The following GPC5 variants were observed in gnomAD, a reference collection of about 807,000 sequenced individuals.
The protein encoded by GPC5 is glypican 5, also known as glypican-5.
GPC5 carries 47 observed loss-of-function variants against 53.9 expected under a neutral mutation model. The observed-to-expected ratio is 0.87, with a 90% CI of 0.69 to 1.11. The LOEUF (loss-of-function observed/expected upper bound fraction) is 1.11. GPC5 is among the 50% of genes most tolerant of loss of function. The pLI is 0.00. For synonymous variants in GPC5, 286 were observed against 263.3 expected, an observed-to-expected ratio of 1.09 and a Z score of -0.84; for missense variants, 748 against 713.1, an observed-to-expected ratio of 1.05 and a Z score of -0.56.
chr13:92,008,059 A>ATTTTT (rs33911884), intron 6 of GPC5, among the ~76,000 whole-genome samples: 2 of 127,202 alleles, frequency 1.6e-5, no homozygotes, highest in Admixed American at 8.4e-5. Context: ...AATGAGAATA[A>ATTTTT]TTTTTTTTTT....
intron 5 of GPC5, among the ~76,000 whole-genome samples, chr13:91,850,073 G>T (rs574978119): frequency 6.6e-6 from 1 of 152,046 alleles, no homozygotes; most frequent in Non-Finnish European, 1.5e-5. Flanking sequence ...ATCTTTCAAC[G>T]GAGGTTTTTC....
intron 7 of GPC5, among the ~76,000 whole-genome samples, chr13:92,521,529 G>A (rs1443100587): frequency 1.3e-5 from 2 of 152,140 alleles, no homozygotes. Context: ...AATGGGGAAA[G>A]GATTCCCTAT....
rs540317986 is a variant in GPC5, at chr13:92,693,731, T to C, written c.1562-172551T>C. Among the ~76,000 whole-genome samples the C allele has an allele frequency of 2.2e-4, 34 of 151,974 alleles. 1 individual carries two copies. Among genetic ancestry groups the C allele is most frequent in the Admixed American group, 2.0e-3 (30 of 15,252 alleles). ...GAAGAGAGCATAAAAGTTTGGAAAA[T>C]TTACAGCCTGACCATGAGGTAGAAA... On this transcript the variant is annotated intron_variant, in intron 7 of 7. Coordinates refer to ENST00000377067, the MANE Select transcript of GPC5 (RefSeq NM_004466.6).
At chr13:91,563,340 G>T (rs1280702177) in intron 2 of GPC5, among the ~76,000 whole-genome samples, 1 of 151,918 alleles carries the variant, frequency 6.6e-6, no homozygotes, top group Non-Finnish European at 1.5e-5. Flanking sequence ...AAATAATATC[G>T]GGAATTATGA....
chr13:91,528,534 A>C (rs1355333909), intron 2 of GPC5, among the ~76,000 whole-genome samples: 1 of 152,180 alleles, frequency 6.6e-6, no homozygotes, highest in Non-Finnish European at 1.5e-5. Context: ...GAAGTTCCAA[A>C]CATTCCCACA....
intron 7 of GPC5, among the ~76,000 whole-genome samples, chr13:92,209,743 A>T (rs2042361700): frequency 6.6e-6 from 1 of 152,154 alleles, no homozygotes; most frequent in Non-Finnish European, 1.5e-5. Context: ...CTCATCCACC[A>T]TATGTTAGAC....
intron 7 of GPC5, among the ~76,000 whole-genome samples, chr13:92,367,700 T>C (rs1434083041): frequency 2.0e-5 from 3 of 152,214 alleles, no homozygotes; most frequent in East Asian, 3.9e-4. Flanking sequence ...AATAGAATGA[T>C]TTAACGTGAA....
At chr13:92,321,646 T>A (rs147110192) in intron 7 of GPC5, among the ~76,000 whole-genome samples, 5 of 144,460 alleles carry the variant, frequency 3.5e-5, no homozygotes, top group African/African-American at 7.9e-5. Context: ...CATACATACA[T>A]ACAATAGAAT....
chr13:92,737,317 C>G (rs1888963540), intron 7 of GPC5, among the ~76,000 whole-genome samples: 1 of 152,044 alleles, frequency 6.6e-6, no homozygotes, highest in Admixed American at 6.6e-5. Flanking sequence ...AAACTGGCCA[C>G]TTAAGTAGCT....
chr13:92,033,036 CGTGTGTGTGTGTGTGTGTGT>C (rs60958496), intron 6 of GPC5, among the ~76,000 whole-genome samples: 1 of 138,990 alleles, frequency 7.2e-6, no homozygotes, highest in Non-Finnish European at 1.5e-5. Flanking sequence ...TAGTTATTGT[CGTGTGTGTGTGTGTGTGTGT>C]GTGTGTGTGT....
chr13:92,190,169 G>A (rs1485243436), intron 7 of GPC5, among the ~76,000 whole-genome samples: 4 of 151,838 alleles, frequency 2.6e-5, no homozygotes, highest in African/African-American at 7.3e-5. Context: ...AGAAGAAAGT[G>A]GAATAAAATA....
chr13:92,718,311 C>T (rs892142318), intron 7 of GPC5, among the ~76,000 whole-genome samples: 3 of 152,006 alleles, frequency 2.0e-5, no homozygotes, highest in Admixed American at 1.3e-4. Context: ...AAGTGTTCAT[C>T]GGCAAACTAA....
At chr13:92,611,456 A>G (rs903649766) in intron 7 of GPC5, among the ~76,000 whole-genome samples, 1 of 152,178 alleles carries the variant, frequency 6.6e-6, no homozygotes, top group Non-Finnish European at 1.5e-5. Flanking sequence ...CTTAAGGCTA[A>G]AAGATAAGCC....
At chr13:92,397,008 C>T (rs529499385) in intron 7 of GPC5, among the ~76,000 whole-genome samples, 1 of 152,308 alleles carries the variant, frequency 6.6e-6, no homozygotes, top group South Asian at 2.1e-4. Context: ...TGTGCTAATG[C>T]CAAGAGGGGA....
At chr13:91,622,538 GTT>G (rs1242920188) in intron 2 of GPC5, among the ~76,000 whole-genome samples, 1 of 151,992 alleles carries the variant, frequency 6.6e-6, no homozygotes, top group Admixed American at 6.6e-5. Flanking sequence ...CTATAAAAAA[GTT>G]TACATATGAA....
At chr13:92,596,648 ATTG>A (rs1883892665) in intron 7 of GPC5, among the ~76,000 whole-genome samples, 1 of 151,938 alleles carries the variant, frequency 6.6e-6, no homozygotes, top group African/African-American at 2.4e-5. Context: ...TGATTTTTGT[ATTG>A]TTAGTGGAGA....
chr13:92,696,626 AT>A (rs1887566064), intron 7 of GPC5, among the ~76,000 whole-genome samples: 2 of 151,904 alleles, frequency 1.3e-5, no homozygotes, highest in Admixed American at 1.3e-4. Flanking sequence ...GATTGCAAAA[AT>A]TTTCTCCCAT....
chr13:92,044,575 G>A (rs1171510582), intron 6 of GPC5, among the ~76,000 whole-genome samples: 2 of 152,204 alleles, frequency 1.3e-5, no homozygotes, highest in Admixed American at 6.5e-5. Flanking sequence ...TACGATATCT[G>A]ATTGGCAAAA....
intron 7 of GPC5, among the ~76,000 whole-genome samples, chr13:92,718,533 A>G (rs747360893): frequency 6.6e-6 from 1 of 152,104 alleles, no homozygotes. Context: ...GAATAGAATG[A>G]TGGTTATCAG....
Sources: gnomAD v4.1 joint callset for allele counts (sites outside exome capture counted in the v4.1 genomes callset) on GRCh38, gnomAD v4.1.1 for gene constraint, MANE v1.5 for transcripts, NCBI Gene and HGNC (gene_info 2026-07-23, HGNC 2026-07-21) for gene names.